The following SLC24A4 variants were observed in gnomAD, a reference collection of about 807,000 sequenced individuals.
SLC24A4 encodes solute carrier family 24 member 4, also known as sodium/potassium/calcium exchanger 4.
A neutral mutation model predicts 79.0 loss-of-function variants in SLC24A4; 53 were observed. The ratio of observed to expected loss-of-function variants is 0.67; its 90% CI spans 0.54 to 0.84. The LOEUF (loss-of-function observed/expected upper bound fraction) is 0.84. SLC24A4 is among the 40% of genes least tolerant of loss of function. The pLI is 0.00. For synonymous variants in SLC24A4, 323 were observed against 323.8 expected (o/e 1.00, Z 0.03); for missense variants, 731 against 822.0 (o/e 0.89, Z 1.35).
At chr14:92,483,959 C>T (rs935162476) in intron 13 of SLC24A4, 1 of 985,378 alleles carries the variant, frequency 1.0e-6, no homozygotes. Context: ...GAAACCGTGT[C>T]GTTTGGTGGG....
intron 12 of SLC24A4, among the ~76,000 whole-genome samples, chr14:92,477,869 G>A (rs1402469571): frequency 6.8e-6 from 1 of 147,226 alleles, no homozygotes; most frequent in African/African-American, 2.5e-5. Flanking sequence ...TGCAACCTCT[G>A]CCTTCTGGGT....
chr14:92,362,921 A>G (rs1887618621), intron 2 of SLC24A4, among the ~76,000 whole-genome samples: 1 of 152,244 alleles, frequency 6.6e-6, no homozygotes, highest in African/African-American at 2.4e-5. Context: ...TGCAGACGCC[A>G]TGCCGGCAGG....
At chr14:92,400,561 T>A (rs10133804) in intron 2 of SLC24A4, among the ~76,000 whole-genome samples, 2,641 of 152,200 alleles carry the variant, frequency 0.017, 45 homozygotes, top group Non-Finnish European at 0.027. Context: ...GTCGCCTTCT[T>A]TGGGGCATGC....
intron 2 of SLC24A4, among the ~76,000 whole-genome samples, chr14:92,390,129 C>G (rs1034384455): frequency 6.6e-6 from 1 of 151,724 alleles, no homozygotes; most frequent in African/African-American, 2.4e-5. Context: ...CTTCCCAGTC[C>G]GGGTCATCCC....
intron 2 of SLC24A4, among the ~76,000 whole-genome samples, chr14:92,418,406 G>A (rs2141813348): frequency 6.6e-6 from 1 of 152,296 alleles, no homozygotes; most frequent in South Asian, 2.1e-4. Context: ...ATTCACCATA[G>A]TCCAGTGCAC....
chr14:92,324,021 G>A, intron 1 of SLC24A4, 61 bp downstream of exon 1: 1 of 1,563,724 alleles, frequency 6.4e-7, no homozygotes, highest in Non-Finnish European at 8.6e-7. Flanking sequence ...GGGGAGTCTC[G>A]GGGCGGCTGC....
At chr14:92,409,959 C>G (rs2141787533) in intron 2 of SLC24A4, among the ~76,000 whole-genome samples, 1 of 152,254 alleles carries the variant, frequency 6.6e-6, no homozygotes, top group Admixed American at 6.5e-5. Flanking sequence ...AACCAAATAC[C>G]ACGTTTTCAC....
chr14:92,408,207 C>T (rs1890514750), intron 2 of SLC24A4, among the ~76,000 whole-genome samples: 1 of 111,412 alleles, frequency 9.0e-6, no homozygotes, highest in Non-Finnish European at 2.0e-5. Flanking sequence ...GTGTGTTTCA[C>T]ATCCACAAGG....
intron 2 of SLC24A4, among the ~76,000 whole-genome samples, chr14:92,412,653 C>T (rs142635506): frequency 5.3e-5 from 8 of 152,286 alleles, no homozygotes; most frequent in Non-Finnish European, 1.0e-4. Flanking sequence ...CTCCACACCA[C>T]GCCCATCCTC....
chr14:92,335,954 G>T (rs1177468599), intron 2 of SLC24A4, among the ~76,000 whole-genome samples: 2 of 152,206 alleles, frequency 1.3e-5, no homozygotes, highest in East Asian at 1.9e-4. Flanking sequence ...TGTGGGCCGT[G>T]CTTCTTGGTA....
At position 92,493,738 on chromosome 14, in the gene SLC24A4, G is replaced by A. The variant is rs1024032197; in HGVS notation, c.*110G>A. 4.2e-5 allele frequency: 53 copies of A among 1,264,248 alleles called. No homozygotes were observed. The highest frequency in any genetic ancestry group is 2.2e-4 in the South Asian group (15 of 68,192). 78.3% of individuals were successfully genotyped at this position (1,264,248 alleles called of 1,614,324 possible). On this transcript the variant is annotated 3_prime_UTR_variant, in exon 17 of 17. Transcript: ENST00000532405. ...TCTCCTGCATAGGCAGCCACTGTCC[G>A]TTCTTTCACACACTGGAAGGAAGAG...
intron 2 of SLC24A4, among the ~76,000 whole-genome samples, chr14:92,425,267 A>C (rs767836851): frequency 1.2e-4 from 19 of 152,234 alleles, no homozygotes; most frequent in Non-Finnish European, 2.1e-4. Context: ...TGTTGATGAC[A>C]TCTAGGCCAT....
At chr14:92,463,089 C>T (rs1351360894) in intron 12 of SLC24A4, among the ~76,000 whole-genome samples, 1 of 152,194 alleles carries the variant, frequency 6.6e-6, no homozygotes, top group East Asian at 1.9e-4. Flanking sequence ...ATGCTGTCTT[C>T]AGGGCTTGGA....
At chr14:92,384,007 G>A (rs995390466) in intron 2 of SLC24A4, among the ~76,000 whole-genome samples, 1 of 152,226 alleles carries the variant, frequency 6.6e-6, no homozygotes, top group African/African-American at 2.4e-5. Context: ...ACCACTTAAT[G>A]ACTCCAGCTT....
chr14:92,441,973 G>A lies in SLC24A4; in HGVS notation c.394-116G>A, dbSNP rs1215382430. 27 of 738,194 alleles carry A rather than the reference G, an allele frequency of 3.7e-5. No homozygotes were observed. Among genetic ancestry groups the A allele is most frequent in the Non-Finnish European group, 5.1e-5 (22 of 433,134 alleles). 45.7% of individuals were successfully genotyped at this position (738,194 alleles called of 1,614,324 possible). On this transcript the variant is annotated intron_variant, in intron 4 of 16. Coordinates refer to ENST00000532405, the MANE Select transcript of SLC24A4 (RefSeq NM_153646.4). The surrounding 1 kb of genome is among the most constrained non-coding windows in gnomAD (Gnocchi z 4.6). ...CAGGGGTGAGAGGCTGCAGGCAGACGAGTTTGCCTCTGGCTGCAGCACTGC... is the reference window on the plus strand; with the variant it reads ...CAGGGGTGAGAGGCTGCAGGCAGACAAGTTTGCCTCTGGCTGCAGCACTGC...
intron 2 of SLC24A4, among the ~76,000 whole-genome samples, chr14:92,405,693 C>A (rs1890338000): frequency 6.6e-6 from 1 of 152,066 alleles, no homozygotes; most frequent in South Asian, 2.1e-4. Context: ...GGAGCTTCCA[C>A]ACAGTTTTAA....
At position 92,434,049 on chromosome 14, in the gene SLC24A4, G is replaced by A. The variant is rs754386216; in HGVS notation, c.318+61G>A. On this transcript the variant is annotated intron_variant, in intron 3 of 16. Coordinates refer to ENST00000532405, the MANE Select transcript of SLC24A4 (RefSeq NM_153646.4). ...GGCACATGAAGCCTCTCTGCACAGC[G>A]GGGCAGAGCCGTGGCGTGTCTGAGA... is the stretch of plus-strand genomic sequence containing the variant. The A allele has an allele frequency of 2.0e-4, 255 of 1,287,708 alleles. 1 individual carries two copies. The highest frequency in any genetic ancestry group is 3.2e-4 in the Admixed American group (19 of 59,508). 79.8% of individuals were successfully genotyped at this position (1,287,708 alleles called of 1,614,324 possible). A position where few individuals can be genotyped will look rare whatever the true frequency, so the allele number is the denominator to read the frequency against.
At chr14:92,338,583 T>G (rs1406745096) in intron 2 of SLC24A4, among the ~76,000 whole-genome samples, 1 of 152,244 alleles carries the variant, frequency 6.6e-6, no homozygotes, top group Non-Finnish European at 1.5e-5. Flanking sequence ...CGCTGTTGGT[T>G]TATCTCATTT....
rs1349379177 is a variant in SLC24A4, at chr14:92,491,714, C to T, written c.1587C>T (p.Asp529=). The T allele has an allele frequency of 6.2e-7, 1 of 1,614,012 alleles. No homozygotes were observed. The highest frequency in any genetic ancestry group is 1.3e-5 in the African/African-American group (1 of 75,026). Residue 529 remains aspartate (D), a synonymous_variant, in exon 15 of 17, where the codon GAC becomes GAT. Coordinates refer to ENST00000532405, the MANE Select transcript of SLC24A4 (RefSeq NM_153646.4). ...ACACCATAGGAAGCAACGTGTTTGA[C>T]ATCCTGGTAGGACTTGGTGTACCGT... ...VSNTIGSNVF[D]ILVGLGVPWG...
Sources: allele counts gnomAD v4.1 joint callset (sites outside exome capture counted in the v4.1 genomes callset), GRCh38; gene constraint gnomAD v4.1.1; non-coding constraint Gnocchi (gnomAD v3.1); transcripts MANE v1.5; gene names NCBI Gene and HGNC (gene_info 2026-07-23, HGNC 2026-07-21).